Variants in C12orf42 observed in about 807,000 individuals in gnomAD.
C12orf42 encodes uncharacterized protein C12orf42.
In C12orf42, 25 loss-of-function variants were observed where a neutral mutation model predicts 21.6. The ratio of observed to expected loss-of-function variants is 1.16; its 90% CI spans 0.84 to 1.62. The LOEUF (loss-of-function observed/expected upper bound fraction) is 1.62, where lower values mean the gene tolerates loss of function less well. C12orf42 is among the 40% of genes most tolerant of loss of function. The pLI is 0.00. For synonymous variants in C12orf42, 174 were observed against 175.0 expected, an observed-to-expected ratio of 0.99 and a Z score of 0.05; for missense variants, 483 against 459.3, an observed-to-expected ratio of 1.05 and a Z score of -0.47.
chr12:103,146,715 T>C, the C12orf42 span, among the ~76,000 whole-genome samples: 4 of 152,300 alleles, frequency 2.6e-5, no homozygotes, highest in Admixed American at 6.5e-5. Flanking sequence ...TTGTGCTTTT[T>C]AACAATTGAA....
chr12:103,322,163 A>G (rs1226924423), intron 4 of C12orf42, among the ~76,000 whole-genome samples: 2 of 151,566 alleles, frequency 1.3e-5, no homozygotes, highest in Non-Finnish European at 2.9e-5. Context: ...ACACGCACAC[A>G]ACTTTCTTTA....
At chr12:103,192,586 A>G in the C12orf42 span, among the ~76,000 whole-genome samples, 1 of 152,146 alleles carries the variant, frequency 6.6e-6, no homozygotes, top group Non-Finnish European at 1.5e-5. Context: ...CAAAAGAGAG[A>G]ATAGGTGCTA....
intron 4 of C12orf42, among the ~76,000 whole-genome samples, chr12:103,292,641 G>A (rs1163131971): frequency 6.6e-6 from 1 of 151,934 alleles, no homozygotes; most frequent in East Asian, 1.9e-4. Flanking sequence ...TTCTTTTTGA[G>A]TAAATATGAA....
chr12:103,164,607 A>G, the C12orf42 span: 1 of 420,958 alleles, frequency 2.4e-6, no homozygotes, highest in Non-Finnish European at 4.8e-6. Flanking sequence ...ATAGTATATC[A>G]ATATTTTCCA....
At chr12:103,470,241 C>T (rs1197376926) in intron 2 of C12orf42, among the ~76,000 whole-genome samples, 1 of 152,138 alleles carries the variant, frequency 6.6e-6, no homozygotes, top group Non-Finnish European at 1.5e-5. Flanking sequence ...TCACACTGTC[C>T]GAGGCTGGTG....
the C12orf42 span, among the ~76,000 whole-genome samples, chr12:103,554,844 A>G: frequency 6.6e-6 from 1 of 152,218 alleles, no homozygotes; most frequent in Non-Finnish European, 1.5e-5. Context: ...GTCACCTTCC[A>G]GCAGGCCCCA....
chr12:103,074,679 A>G, the C12orf42 span, among the ~76,000 whole-genome samples: 4 of 152,254 alleles, frequency 2.6e-5, no homozygotes, highest in African/African-American at 9.6e-5. Context: ...TAGATAATAT[A>G]TAGTGATACC....
chr12:103,091,576 T>C, the C12orf42 span, among the ~76,000 whole-genome samples: 1 of 152,248 alleles, frequency 6.6e-6, no homozygotes, highest in Non-Finnish European at 1.5e-5. Context: ...TTCATGTTAG[T>C]AGAAGAAAAT....
chr12:103,178,309 C>T, the C12orf42 span: 25 of 152,304 alleles, frequency 1.6e-4, no homozygotes, highest in East Asian at 4.6e-3. Context: ...ATAAAAGACA[C>T]ATTTTTAGAA....
the C12orf42 span, among the ~76,000 whole-genome samples, chr12:103,177,874 TGC>T: frequency 0.4 from 59,960 of 151,034 alleles, 12,323 homozygotes; most frequent in Middle Eastern, 0.45. Context: ...TGTGTGTGTG[TGC>T]GCGCGCGCTA....
intron 2 of C12orf42, among the ~76,000 whole-genome samples, chr12:103,475,440 G>A (rs1303784825): frequency 6.6e-6 from 1 of 152,186 alleles, no homozygotes; most frequent in Non-Finnish European, 1.5e-5. Context: ...CAATCTGATT[G>A]TTAGAAAATG....
intron 3 of C12orf42, among the ~76,000 whole-genome samples, chr12:103,385,135 C>T (rs998081538): frequency 2.6e-5 from 4 of 152,146 alleles, no homozygotes; most frequent in African/African-American, 9.7e-5. Context: ...AATTGGTGGA[C>T]TTGATCAATA....
At position 103,332,334 on chromosome 12, in the gene C12orf42, T is replaced by G. The variant is rs143991344; in HGVS notation, c.260-25989A>C. Among the ~76,000 whole-genome samples, 638 of 152,290 alleles carry G rather than the reference T, an allele frequency of 4.2e-3. 4 individuals carry two copies. Among genetic ancestry groups the G allele is most frequent in the African/African-American group, 0.014 (587 of 41,562 alleles). On this transcript the variant is annotated intron_variant, in intron 4 of 5. Coordinates refer to ENST00000548883, the MANE Select transcript of C12orf42 (RefSeq NM_198521.5). Reference sequence around the variant, plus strand: ...CAGCACACTCACCATGTAAATTGATTCCCAAAGGCATAAGTCAGGGTGGTA... The same window carrying G: ...CAGCACACTCACCATGTAAATTGATGCCCAAAGGCATAAGTCAGGGTGGTA...
chr12:103,473,556 C>T (rs1953791380), intron 2 of C12orf42, among the ~76,000 whole-genome samples: 1 of 152,200 alleles, frequency 6.6e-6, no homozygotes, highest in African/African-American at 2.4e-5. Flanking sequence ...TTCTGCCCTA[C>T]AAAACTCACA....
At chr12:103,221,049 T>C in the C12orf42 span, among the ~76,000 whole-genome samples, 2 of 152,240 alleles carry the variant, frequency 1.3e-5, no homozygotes, top group African/African-American at 4.8e-5. Context: ...GGTTTGCTTG[T>C]AGTTTTAACA....
the C12orf42 span, among the ~76,000 whole-genome samples, chr12:103,095,481 G>T: frequency 6.6e-6 from 1 of 152,068 alleles, no homozygotes; most frequent in Non-Finnish European, 1.5e-5. Flanking sequence ...GTAGATTTGG[G>T]TAGGACTGAG....
chr12:103,427,651 C>A (rs187680136), intron 2 of C12orf42, among the ~76,000 whole-genome samples: 75 of 152,306 alleles, frequency 4.9e-4, no homozygotes, highest in African/African-American at 1.5e-3. Context: ...ACAGAACTCT[C>A]CACCCCAAAT....
the C12orf42 span, among the ~76,000 whole-genome samples, chr12:103,096,471 C>T: frequency 1.3e-5 from 2 of 152,114 alleles, no homozygotes; most frequent in Non-Finnish European, 2.9e-5. Context: ...TTTGAGTCCT[C>T]AAGGGTGCCA....
intron 3 of C12orf42, among the ~76,000 whole-genome samples, chr12:103,399,326 T>C (rs901640889): frequency 6.6e-6 from 1 of 151,868 alleles, no homozygotes; most frequent in Non-Finnish European, 1.5e-5. Context: ...TGAAAATGAT[T>C]CTAAAGGCTC....
Sources: allele counts gnomAD v4.1 joint callset (sites outside exome capture counted in the v4.1 genomes callset), GRCh38; gene constraint gnomAD v4.1.1; transcripts MANE v1.5; gene names NCBI Gene and HGNC (gene_info 2026-07-23, HGNC 2026-07-21).